TRIM5: variants seen among roughly 807,000 people sequenced by gnomAD.
TRIM5 encodes the protein tripartite motif-containing protein 5.
A neutral mutation model predicts 35.6 loss-of-function variants in TRIM5; 31 were observed. That is an observed-to-expected ratio of 0.87 (90% CI 0.65 to 1.18). The LOEUF (loss-of-function observed/expected upper bound fraction) is 1.18, where lower values mean the gene tolerates loss of function less well. TRIM5 is among the 50% of genes most tolerant of loss of function. TRIM5 has a pLI of 0.00. For missense variants in TRIM5, 609 were observed against 591.6 expected (o/e 1.03, Z -0.31); for synonymous variants, 243 against 215.6 (o/e 1.13, Z -1.11).
the TRIM5 span, chr11:5,641,094 T>C: frequency 6.6e-7 from 1 of 1,516,848 alleles, no homozygotes. Context: ...TTTTTCCTAC[T>C]GTTCTTCTTT....
At chr11:5,674,752 T>A (rs1329293251) in intron 4 of TRIM5, among the ~76,000 whole-genome samples, 1 of 152,222 alleles carries the variant, frequency 6.6e-6, no homozygotes, top group East Asian at 1.9e-4. Flanking sequence ...GAAGACTATC[T>A]CACACCATGG....
chr11:5,620,519 G>A, the TRIM5 span, among the ~76,000 whole-genome samples: 2 of 152,042 alleles, frequency 1.3e-5, no homozygotes, highest in Admixed American at 1.3e-4. Context: ...TTTCTCTTGT[G>A]AGGGTTGCAG....
chr11:5,646,799 T>C, the TRIM5 span, among the ~76,000 whole-genome samples: 35 of 152,164 alleles, frequency 2.3e-4, no homozygotes, highest in Non-Finnish European at 4.3e-4. Context: ...TCGTGTCCAC[T>C]TTCTCCCTTA....
rs745758426 is a variant in TRIM5 at position 5,665,240 on chromosome 11, A to G, written c.1051T>C (p.Ser351Pro). 4.7e-5 allele frequency: 76 copies of G among 1,614,070 alleles called. No individual in the cohort carries two copies. The highest frequency in any genetic ancestry group is 5.8e-5 in the Non-Finnish European group (69 of 1,180,044). Residue 351 changes from serine to proline, a missense_variant, in exon 8 of 8, where the codon TCT (serine) becomes CCT (proline). By Grantham distance (74) the Ser-to-Pro change is moderately conservative. Coordinates refer to ENST00000380034, the MANE Select transcript of TRIM5 (RefSeq NM_033034.3). Reference sequence around the variant, plus strand: ...TGTTTCCCTGATGTGATACTTTGAGAGCCCAGGATGCCAGTACAATAATTG... The same window carrying G: ...TGTTTCCCTGATGTGATACTTTGAGGGCCCAGGATGCCAGTACAATAATTG... The part of the protein sequence containing the change: ...NFNYCTGILG[S>P]QSITSGKHYW...
the TRIM5 span, among the ~76,000 whole-genome samples, chr11:5,631,132 A>C: frequency 6.6e-6 from 1 of 151,994 alleles, no homozygotes; most frequent in Admixed American, 6.6e-5. Flanking sequence ...AGCTGGTTAC[A>C]CCCCTCCCCC....
At chr11:5,635,254 A>ATTTTTT in the TRIM5 span, among the ~76,000 whole-genome samples, 1 of 128,320 alleles carries the variant, frequency 7.8e-6, no homozygotes, top group African/African-American at 2.9e-5. Context: ...TTCCCTGTTA[A>ATTTTTT]TTTTTTTTTT....
chr11:5,675,545 C>T (rs908099296), intron 4 of TRIM5, among the ~76,000 whole-genome samples: 6 of 152,034 alleles, frequency 3.9e-5, no homozygotes, highest in Non-Finnish European at 8.8e-5. Context: ...CCCACCAAAC[C>T]TCCTGGGAAT....
chr11:5,626,176 C>T, the TRIM5 span, among the ~76,000 whole-genome samples: 1 of 152,196 alleles, frequency 6.6e-6, no homozygotes, highest in Non-Finnish European at 1.5e-5. Context: ...AGGCACAAGA[C>T]CCAACATATG....
the TRIM5 span, among the ~76,000 whole-genome samples, chr11:5,649,777 C>T: frequency 6.6e-6 from 1 of 152,238 alleles, no homozygotes; most frequent in East Asian, 1.9e-4. Context: ...CTCCCCTATC[C>T]ACCCCTTGAT....
At chr11:5,624,371 C>T in the TRIM5 span, among the ~76,000 whole-genome samples, 1 of 152,312 alleles carries the variant, frequency 6.6e-6, no homozygotes, top group Admixed American at 6.5e-5. Flanking sequence ...TTCCCCAGGT[C>T]CTTTGTAGCC....
chr11:5,635,282 G>A, the TRIM5 span, among the ~76,000 whole-genome samples: 2 of 144,288 alleles, frequency 1.4e-5, no homozygotes, highest in South Asian at 4.4e-4. Flanking sequence ...TTGAGACGGA[G>A]TCTCGCTCTG....
At chr11:5,598,163 G>C in the TRIM5 span, among the ~76,000 whole-genome samples, 1 of 152,110 alleles carries the variant, frequency 6.6e-6, no homozygotes, top group Non-Finnish European at 1.5e-5. Context: ...CTCTCAGCCC[G>C]TCCACACTGC....
Position 5,665,656 on chromosome 11 carries a change from C to T in TRIM5, c.895G>A (p.Val299Ile), listed in dbSNP as rs150799809. 2 of 1,542,228 alleles carry T rather than the reference C, an allele frequency of 1.3e-6. No individual in the cohort carries two copies. The highest frequency in any genetic ancestry group is 2.8e-5 in the African/African-American group (2 of 71,766). ...RELTDVRRYW[V>I]DVTVAPNNIS... ...TTATGATAATGTGACTTCTCCTTAC[C>T]CCAGTAGCGTCGGACATCTGTCAGC... Residue 299 changes from valine to isoleucine, a missense_variant and splice_region_variant, in exon 7 of 8, where the codon GTT becomes ATT. Transcript: ENST00000380034.
At chr11:5,614,223 A>G in the TRIM5 span, among the ~76,000 whole-genome samples, 2 of 152,234 alleles carry the variant, frequency 1.3e-5, no homozygotes, top group South Asian at 2.1e-4. Context: ...ATGTAAAACA[A>G]TCGGTCATGA....
chr11:5,618,894 C>T, the TRIM5 span, among the ~76,000 whole-genome samples: 101 of 152,246 alleles, frequency 6.6e-4, no homozygotes, highest in African/African-American at 2.3e-3. Context: ...AAGCTAAAAC[C>T]GTGACTTATT....
At chr11:5,603,873 G>A in the TRIM5 span, 1 of 1,432,416 alleles carries the variant, frequency 7.0e-7, no homozygotes, top group African/African-American at 1.4e-5. Context: ...CCCTGATTAA[G>A]AATAGATTCT....
the TRIM5 span, among the ~76,000 whole-genome samples, chr11:5,655,485 G>T: frequency 2.4e-4 from 37 of 152,254 alleles, no homozygotes; most frequent in African/African-American, 8.9e-4. Context: ...AAATAAGTAG[G>T]TAAAAAGGAT....
chr11:5,670,685 G>C (rs996047099), intron 4 of TRIM5, among the ~76,000 whole-genome samples: 3 of 152,166 alleles, frequency 2.0e-5, no homozygotes, highest in Non-Finnish European at 4.4e-5. Flanking sequence ...ACTTACCCAA[G>C]CATAGATTCA....
the TRIM5 span, among the ~76,000 whole-genome samples, chr11:5,606,975 A>G: frequency 1.4e-3 from 218 of 152,170 alleles, 6 homozygotes; most frequent in South Asian, 0.04. Context: ...AGGCCGAGGC[A>G]GGCGGATCAT....
Sources: allele counts gnomAD v4.1 joint callset (sites outside exome capture counted in the v4.1 genomes callset), GRCh38; gene constraint gnomAD v4.1.1; transcripts MANE v1.5; gene names NCBI Gene and HGNC (gene_info 2026-07-23, HGNC 2026-07-21).